The following GAA variants were observed in gnomAD, a reference collection of about 807,000 sequenced individuals.
GAA encodes the protein lysosomal alpha-glucosidase.
A neutral mutation model predicts 103.9 loss-of-function variants in GAA; 88 were observed. That is an observed-to-expected ratio of 0.85 (90% confidence interval 0.71 to 1.01). The LOEUF (loss-of-function observed/expected upper bound fraction) is 1.01, where lower values mean the gene tolerates loss of function less well. Among genes scored for constraint, GAA ranks in the 50% least tolerant of loss-of-function variants. GAA has a pLI of 0.00. For missense variants in GAA, 1,350 were observed against 1,305.3 expected (o/e 1.03, Z -0.53); for synonymous variants, 572 against 563.1 (o/e 1.02, Z -0.22).
At chr17:80,105,160 G>T (rs770237406) in intron 2 of GAA, 28 bp downstream of exon 2, 1 of 1,588,514 alleles carries the variant, frequency 6.3e-7, no homozygotes, top group Admixed American at 1.7e-5. Context: ...GGGGGCGGCG[G>T]CCAGGGCAGA....
chr17:80,104,560 T>C lies in GAA; in HGVS notation c.-27T>C, dbSNP rs757180387. 4 of 1,595,074 alleles carry C rather than the reference T, an allele frequency of 2.5e-6. No homozygotes were observed. The Admixed American group carries it at 5.1e-5, about 20-fold the overall frequency. Reference sequence around the variant, plus strand: ...CCCGCTTTCTTCTCCCGCAGGCCTGTAGGAGCTGTCCAGGCCATCTCCAAC... The same window carrying C: ...CCCGCTTTCTTCTCCCGCAGGCCTGCAGGAGCTGTCCAGGCCATCTCCAAC... On this transcript the variant is annotated 5_prime_UTR_variant, in exon 2 of 20. Coordinates refer to ENST00000302262, the MANE Select transcript of GAA (RefSeq NM_000152.5). This position sits in a 1 kb window ranked among gnomAD's most constrained non-coding sequence, Gnocchi z 4.0.
intron 2 of GAA, 102 bp downstream of exon 2, chr17:80,105,234 G>A (rs1404620811): frequency 6.7e-6 from 8 of 1,199,662 alleles, no homozygotes; most frequent in Non-Finnish European, 9.3e-6. Context: ...GCACCACTGT[G>A]TGCTGGGCCC....
Position 80,112,665 on chromosome 17 carries a change from G to T in GAA, c.1842G>T (p.Thr614=). ...AGHGRYAGHW[T]GDVWSSWEQL... Reference sequence around the variant, plus strand: ...ACGGCCGATACGCCGGCCACTGGACGGGGGACGTGTGGAGCTCCTGGGAGC... The same window carrying T: ...ACGGCCGATACGCCGGCCACTGGACTGGGGACGTGTGGAGCTCCTGGGAGC... The change falls in exon 13 of 20, where the codon ACG becomes ACT. Residue 614 remains threonine (T), a synonymous_variant. Coordinates refer to ENST00000302262, the MANE Select transcript of GAA (RefSeq NM_000152.5). 6.2e-7 allele frequency: 1 copy of T among 1,612,266 alleles called. No individual in the cohort carries two copies. The highest frequency in any genetic ancestry group is 1.3e-5 in the African/African-American group (1 of 75,040).
At chr17:80,105,182 G>A (rs2039051362) in intron 2 of GAA, 50 bp downstream of exon 2, 1 of 1,531,360 alleles carries the variant, frequency 6.5e-7, no homozygotes, top group East Asian at 2.3e-5. Context: ...GGTGCGCGTG[G>A]ACATCGACAC....
In GAA at chr17:80,112,006, G is replaced by C. The variant is rs1283351706; in HGVS notation, c.1660G>C (p.Ala554Pro). The change falls in exon 12 of 20, where the codon GCG becomes CCG. Residue 554 changes from alanine to proline, a missense_variant. Coordinates refer to ENST00000302262, the MANE Select transcript of GAA (RefSeq NM_000152.5). ...AGGGGTGGTTGGGGGGACCCTCCAGGCGGCCACCATCTGTGCCTCCAGCCA... is the reference window on the plus strand; with the variant it reads ...AGGGGTGGTTGGGGGGACCCTCCAGCCGGCCACCATCTGTGCCTCCAGCCA... ...VPGVVGGTLQAATICASSHQF... is the reference protein window; with the variant it reads ...VPGVVGGTLQPATICASSHQF... 1 of 1,613,728 alleles carries C rather than the reference G, an allele frequency of 6.2e-7. No individual in the cohort carries two copies.
rs757911622 is a variant in GAA at position 80,118,175 on chromosome 17, G to T, written c.2482-18G>T. 11 of 1,612,486 alleles carry T rather than the reference G, an allele frequency of 6.8e-6. No individual in the cohort carries two copies. Among genetic ancestry groups the T allele is most frequent in the Admixed American group, 1.7e-5 (1 of 59,966 alleles). On this transcript the variant is annotated intron_variant, in intron 17 of 19. Coordinates refer to ENST00000302262, the MANE Select transcript of GAA (RefSeq NM_000152.5). ...ACCAGGGTGGGGATGATGACATCAC[G>T]TGTCCTTCCCTTTCCAGGGCCCTGG...
intron 9 of GAA, 97 bp from the exon 10 acceptor site, chr17:80,110,630 G>C (rs2039209539): frequency 1.9e-6 from 2 of 1,034,074 alleles, no homozygotes; most frequent in Non-Finnish European, 3.0e-6. Flanking sequence ...TCCACTAAGA[G>C]TGAGGCTGCC....
Position 80,110,828 on chromosome 17 carries a change from C to G in GAA, c.1539C>G (p.Asp513Glu). ...VAEFHDQVPF[D>E]GMWIDMNEPS... ...AGTTCCATGACCAGGTGCCCTTCGACGGCATGTGGATTGTAAGTGTGGCCC... is the reference window on the plus strand; with the variant it reads ...AGTTCCATGACCAGGTGCCCTTCGAGGGCATGTGGATTGTAAGTGTGGCCC... The change falls in exon 10 of 20, where the codon GAC (aspartate) becomes GAG (glutamate). Residue 513 changes from aspartate (D) to glutamate (E), a missense_variant. Asp to Glu is a conservative substitution (Grantham distance 45, BLOSUM62 2). Transcript: ENST00000302262. The G allele has an allele frequency of 6.2e-7, 1 of 1,614,086 alleles. No individual in the cohort carries two copies. Among genetic ancestry groups the G allele is most frequent in the Non-Finnish European group, 8.5e-7 (1 of 1,179,986 alleles).
At position 80,107,809 on chromosome 17, in the gene GAA, A is replaced by G. The variant is rs552929702; in HGVS notation, c.868A>G (p.Asn290Asp). ...CTCCTGCATGTCCCAGCCCGGTGCG[A>G]ACCTCTACGGGTCTCACCCTTTCTA... is the stretch of plus-strand genomic sequence containing the variant. ...NRDLAPTPGA[N>D]LYGSHPFYLA... is the part of the protein sequence containing the mutation. The change falls in exon 5 of 20, where the codon AAC (asparagine) becomes GAC (aspartate). Residue 290 changes from asparagine to aspartate, a missense_variant. Physicochemically the swap from Asn to Asp is conservative, Grantham distance 23. Transcript: ENST00000302262. 2.3e-5 allele frequency: 37 copies of G among 1,611,730 alleles called. 2 individuals carry two copies. In the African/African-American group the frequency reaches 3.6e-4, roughly 16 times the overall value.
intron 2 of GAA, 102 bp downstream of exon 2, chr17:80,105,234 G>T (rs1404620811): frequency 6.7e-6 from 8 of 1,199,546 alleles, no homozygotes; most frequent in African/African-American, 1.5e-5. Context: ...GCACCACTGT[G>T]TGCTGGGCCC....
At chr17:80,118,536 A>G (rs2039410956) in intron 18 of GAA, 117 bp from the exon 19 acceptor site, 19 of 1,424,748 alleles carry the variant, frequency 1.3e-5, no homozygotes, top group Non-Finnish European at 1.9e-5. Flanking sequence ...GTGTACACAG[A>G]GGGAGGTCAC....
chr17:80,107,666 A>G lies in GAA; in HGVS notation c.802A>G (p.Met268Val). ...CCTCGCCGAGCACCTCAGTCCCCTG[A>G]TGCTCAGCACCAGCTGGACCAGGAT... ...TGLAEHLSPLMLSTSWTRITL... is the reference protein window; with the variant it reads ...TGLAEHLSPLVLSTSWTRITL... Residue 268 changes from methionine to valine, a missense_variant, in exon 4 of 20, where the codon ATG becomes GTG. Met to Val is a conservative substitution (Grantham distance 21, BLOSUM62 1). Transcript: ENST00000302262. 12 of 1,613,018 alleles carry G rather than the reference A, an allele frequency of 7.4e-6. No homozygotes were observed. Among genetic ancestry groups the G allele is most frequent in the Non-Finnish European group, 1.0e-5 (12 of 1,179,870 alleles).
intron 3 of GAA, among the ~76,000 whole-genome samples, chr17:80,107,094 G>C (rs2039105292): frequency 6.6e-6 from 1 of 152,232 alleles, no homozygotes; most frequent in Non-Finnish European, 1.5e-5. Context: ...TTTCTCGGAG[G>C]TGCTGTTTGC....
chr17:80,117,673 G>C lies in GAA; in HGVS notation c.2405G>C (p.Gly802Ala). ...APREPAIHSEGQWVTLPAPLD... is the reference protein window; with the variant it reads ...APREPAIHSEAQWVTLPAPLD... ...CGTGAGCCAGCCATCCACAGCGAGGGGCAGTGGGTGACGCTGCCGGCCCCC... is the reference window on the plus strand; with the variant it reads ...CGTGAGCCAGCCATCCACAGCGAGGCGCAGTGGGTGACGCTGCCGGCCCCC... Residue 802 changes from glycine to alanine, a missense_variant, in exon 17 of 20, where the codon GGG (glycine) becomes GCG (alanine). Physicochemically the swap from Gly to Ala is moderately conservative, Grantham distance 60 (BLOSUM62 0). Transcript: ENST00000302262. 6.2e-7 allele frequency: 1 copy of C among 1,612,680 alleles called. No individual in the cohort carries two copies. Among genetic ancestry groups the C allele is most frequent in the African/African-American group, 1.3e-5 (1 of 75,034 alleles).
chr17:80,105,059 C>A lies in GAA; in HGVS notation c.473C>A (p.Thr158Asn). 1 of 1,612,904 alleles carries A rather than the reference C, an allele frequency of 6.2e-7. No individual in the cohort carries two copies. Among genetic ancestry groups the A allele is most frequent in the Non-Finnish European group, 8.5e-7 (1 of 1,180,040 alleles). ...GCCACCCTGACCCGTACCACCCCCA[C>A]CTTCTTCCCCAAGGACATCCTGACC... ...YTATLTRTTP[T>N]FFPKDILTLR... Residue 158 changes from threonine to asparagine, a missense_variant, in exon 2 of 20, where the codon ACC becomes AAC. Thr to Asn is a moderately conservative substitution (Grantham distance 65). Coordinates refer to ENST00000302262, the MANE Select transcript of GAA (RefSeq NM_000152.5).
At chr17:80,110,319 G>T (rs2039201757) in intron 9 of GAA, among the ~76,000 whole-genome samples, 1 of 152,206 alleles carries the variant, frequency 6.6e-6, no homozygotes, top group South Asian at 2.1e-4. Context: ...TGAGGCCTTA[G>T]GGTCCTCCTT....
At position 80,101,603 on chromosome 17, in the gene GAA, G is replaced by A. The variant is rs1419075860; in HGVS notation, c.-320G>A. The A allele has an allele frequency of 6.6e-6, 1 of 150,702 alleles. No individual in the cohort carries two copies. The allele number at this position is 150,702 out of a possible 1,614,324, so 9.3% of individuals were successfully genotyped here. A position where few individuals can be genotyped will look rare whatever the true frequency, so the allele number is the denominator to read the frequency against. On this transcript the variant is annotated 5_prime_UTR_variant, in exon 1 of 20. Coordinates refer to ENST00000302262, the MANE Select transcript of GAA (RefSeq NM_000152.5). ...GCACGACCCCGGAGTCTCCGCGGGC[G>A]GCCAGGGCGCGCGTGCGCGGAGGTG...
At chr17:80,102,163 C>T (rs574436993) in intron 1 of GAA, 8 of 151,456 alleles carry the variant, frequency 5.3e-5, no homozygotes, top group African/African-American at 9.8e-5. Context: ...GGACCCGAGC[C>T]ACCTCTCCTG....
intron 1 of GAA, among the ~76,000 whole-genome samples, chr17:80,103,483 C>T (rs2143817830): frequency 6.6e-6 from 1 of 152,302 alleles, no homozygotes; most frequent in South Asian, 2.1e-4. Context: ...TATTGAAATC[C>T]ATGCATATTG....
Sources: allele counts gnomAD v4.1 joint callset (sites outside exome capture counted in the v4.1 genomes callset), GRCh38; gene constraint gnomAD v4.1.1; non-coding constraint Gnocchi (gnomAD v3.1); transcripts MANE v1.5; gene names NCBI Gene and HGNC (gene_info 2026-07-23, HGNC 2026-07-21).